The following EDIL3 variants were observed in gnomAD, a reference collection of about 807,000 sequenced individuals.
EDIL3 encodes EGF like and discoidin domains 3.
EDIL3 carries 37 observed loss-of-function variants against 67.4 expected under a neutral mutation model. The ratio of observed to expected loss-of-function variants is 0.55; its 90% CI spans 0.42 to 0.72. EDIL3 has a LOEUF of 0.72. EDIL3 is among the 30% of genes least tolerant of loss of function. The probability of loss-of-function intolerance (pLI) is 0.00; values close to 1 mark genes in which losing one functional copy is unlikely to be tolerated. For missense variants in EDIL3, 527 were observed against 586.3 expected, an observed-to-expected ratio of 0.90 and a Z score of 1.04; for synonymous variants, 195 against 196.3, an observed-to-expected ratio of 0.99 and a Z score of 0.05.
intron 2 of EDIL3, among the ~76,000 whole-genome samples, chr5:84,238,518 A>G (rs1315992037): frequency 6.6e-6 from 1 of 152,114 alleles, no homozygotes; most frequent in Non-Finnish European, 1.5e-5. Flanking sequence ...ACTCATCTCA[A>G]GGACACTAAC....
At chr5:84,222,327 T>C (rs1744359588) in intron 3 of EDIL3, among the ~76,000 whole-genome samples, 2 of 151,882 alleles carry the variant, frequency 1.3e-5, no homozygotes, top group Admixed American at 6.6e-5. Context: ...TATATGAAAA[T>C]AGTATTTTTC....
chr5:84,267,779 A>G (rs1312281800), intron 1 of EDIL3, among the ~76,000 whole-genome samples: 1 of 152,262 alleles, frequency 6.6e-6, no homozygotes, highest in Admixed American at 6.5e-5. Flanking sequence ...ATGATAAAAT[A>G]TATGAAATGA....
intron 1 of EDIL3, among the ~76,000 whole-genome samples, chr5:84,329,064 T>A (rs978402979): frequency 6.6e-6 from 1 of 152,122 alleles, no homozygotes; most frequent in Non-Finnish European, 1.5e-5. Context: ...CCCCATTTTA[T>A]AAATTTATTT....
chr5:84,159,506 C>A (rs989980702), intron 4 of EDIL3, among the ~76,000 whole-genome samples: 3 of 151,874 alleles, frequency 2.0e-5, no homozygotes, highest in Non-Finnish European at 4.4e-5. Context: ...TTTCATTCAA[C>A]AAATACACAT....
At chr5:84,079,369 T>C (rs1203322954) in intron 6 of EDIL3, among the ~76,000 whole-genome samples, 1 of 152,098 alleles carries the variant, frequency 6.6e-6, no homozygotes, top group Non-Finnish European at 1.5e-5. Flanking sequence ...TGGAACTGTC[T>C]TGAGGAAGTC....
intron 6 of EDIL3, among the ~76,000 whole-genome samples, chr5:84,086,324 G>A (rs566069377): frequency 3.9e-5 from 6 of 152,302 alleles, no homozygotes; most frequent in Admixed American, 3.3e-4. Context: ...CTGATCTGCG[G>A]ATTGCAAAAA....
At chr5:83,977,478 C>T (rs1744895073) in intron 9 of EDIL3, among the ~76,000 whole-genome samples, 1 of 151,804 alleles carries the variant, frequency 6.6e-6, no homozygotes, top group African/African-American at 2.4e-5. Flanking sequence ...TGCGAAGCTT[C>T]ACTCTCTGTC....
chr5:84,013,160 C>A (rs1480820089), intron 9 of EDIL3, among the ~76,000 whole-genome samples: 2 of 151,830 alleles, frequency 1.3e-5, no homozygotes, highest in Non-Finnish European at 2.9e-5. Flanking sequence ...ATGCATCTCC[C>A]ATTTTTAAAT....
chr5:84,332,371 C>T (rs77931181), intron 1 of EDIL3, among the ~76,000 whole-genome samples: 1 of 152,118 alleles, frequency 6.6e-6, no homozygotes, highest in East Asian at 1.9e-4. Flanking sequence ...AAATCTGTCT[C>T]CAAAAAAAGT....
At chr5:84,047,213 G>A (rs538288250) in intron 9 of EDIL3, among the ~76,000 whole-genome samples, 1 of 151,976 alleles carries the variant, frequency 6.6e-6, no homozygotes, top group African/African-American at 2.4e-5. Flanking sequence ...CTTCTCTTTG[G>A]CACCAGAAAC....
At chr5:84,151,010 T>C (rs1245693966) in intron 4 of EDIL3, among the ~76,000 whole-genome samples, 1 of 151,998 alleles carries the variant, frequency 6.6e-6, no homozygotes, top group African/African-American at 2.4e-5. Flanking sequence ...TGGGATGAAG[T>C]TGAAGGGGCA....
chr5:83,987,355 A>C (rs1482439439), intron 9 of EDIL3, among the ~76,000 whole-genome samples: 1 of 152,156 alleles, frequency 6.6e-6, no homozygotes, highest in East Asian at 1.9e-4. Flanking sequence ...TAACTTTTTA[A>C]AAAGTGGCAT....
intron 5 of EDIL3, among the ~76,000 whole-genome samples, chr5:84,112,513 C>G (rs1230917974): frequency 6.6e-6 from 1 of 152,174 alleles, no homozygotes; most frequent in Non-Finnish European, 1.5e-5. Flanking sequence ...TAAAATTTAT[C>G]AAAAATCATT....
rs142282184 is a variant in EDIL3 at position 83,997,890 on chromosome 5, A to T, written c.1138-34530T>A. 2.7e-3 allele frequency among the ~76,000 whole-genome samples: 411 copies of T among 152,250 alleles called. 2 individuals carry two copies. The highest frequency in any genetic ancestry group is 0.014 in the South Asian group (69 of 4,830). On this transcript the variant is annotated intron_variant, in intron 9 of 10. Coordinates refer to ENST00000296591, the MANE Select transcript of EDIL3 (RefSeq NM_005711.5). ...CTCAGTACTGCCCTGTCACAGTGGAATGCAACACCAGGCAGAACTCAGCCT... is the reference window on the plus strand; with the variant it reads ...CTCAGTACTGCCCTGTCACAGTGGATTGCAACACCAGGCAGAACTCAGCCT...
intron 1 of EDIL3, among the ~76,000 whole-genome samples, chr5:84,380,775 C>A (rs1323045827): frequency 6.6e-6 from 1 of 152,070 alleles, no homozygotes; most frequent in East Asian, 1.9e-4. Context: ...GCTGGTACTA[C>A]TAATTTAACT....
At chr5:84,294,876 C>A (rs2112123084) in intron 1 of EDIL3, among the ~76,000 whole-genome samples, 1 of 152,276 alleles carries the variant, frequency 6.6e-6, no homozygotes, top group East Asian at 1.9e-4. Flanking sequence ...CCAAGTTACA[C>A]TGCTGGTAAG....
chr5:84,316,867 A>G (rs1419041612), intron 1 of EDIL3, among the ~76,000 whole-genome samples: 1 of 151,938 alleles, frequency 6.6e-6, no homozygotes, highest in Non-Finnish European at 1.5e-5. Flanking sequence ...GAAACAAAAC[A>G]CTCCTCACCA....
chr5:83,969,063 C>T (rs1156947043), intron 9 of EDIL3, among the ~76,000 whole-genome samples: 2 of 151,564 alleles, frequency 1.3e-5, no homozygotes, highest in African/African-American at 2.4e-5. Context: ...GGTTACCAGA[C>T]GTTGGTTACA....
At chr5:84,039,336 A>C (rs1746078951) in intron 9 of EDIL3, among the ~76,000 whole-genome samples, 1 of 152,156 alleles carries the variant, frequency 6.6e-6, no homozygotes. Flanking sequence ...TTATCTGTGG[A>C]TCCAAAGGAT....
Sources: gnomAD v4.1 joint callset for allele counts (sites outside exome capture counted in the v4.1 genomes callset) on GRCh38, gnomAD v4.1.1 for gene constraint, MANE v1.5 for transcripts, NCBI Gene and HGNC (gene_info 2026-07-23, HGNC 2026-07-21) for gene names.